Variants in TNNI2 observed in about 807,000 individuals in gnomAD.
TNNI2 encodes the protein troponin I2, fast skeletal type, also known as troponin I, fast skeletal muscle.
TNNI2 carries 14 observed loss-of-function variants against 26.5 expected under a neutral mutation model. The ratio of observed to expected loss-of-function variants is 0.53; its 90% confidence interval spans 0.35 to 0.83. TNNI2 has a LOEUF of 0.83. Among genes scored for constraint, TNNI2 ranks in the 40% least tolerant of loss-of-function variants. The pLI is 0.01. For synonymous variants in TNNI2, 126 were observed against 97.6 expected, an observed-to-expected ratio of 1.29 and a Z score of -1.71; for missense variants, 205 against 248.5, an observed-to-expected ratio of 0.82 and a Z score of 1.18.
chr11:1,839,685 C>G lies in TNNI2; in HGVS notation c.-12C>G. The G allele has an allele frequency of 1.2e-6, 2 of 1,613,818 alleles. No homozygotes were observed. The highest frequency in any genetic ancestry group is 2.2e-5 in the East Asian group (1 of 44,884). Reference sequence around the variant, plus strand: ...TTCCTCTCCCCACAGGCTCCAAGCTCAGGACCTCAGGATGGGAGAGTAAGT... The same window carrying G: ...TTCCTCTCCCCACAGGCTCCAAGCTGAGGACCTCAGGATGGGAGAGTAAGT... On this transcript the variant is annotated 5_prime_UTR_variant, in exon 2 of 8. Coordinates refer to ENST00000381911, the MANE Select transcript of TNNI2 (RefSeq NM_003282.4).
At chr11:1,840,733 A>T (rs1244092955) in intron 5 of TNNI2, 77 bp downstream of exon 5, 1 of 1,607,932 alleles carries the variant, frequency 6.2e-7, no homozygotes, top group African/African-American at 1.3e-5. Flanking sequence ...ACTTGTCAAG[A>T]GGGCCAGTGG....
rs905245877 is a variant in TNNI2, at chr11:1,840,822, C to T, written c.190C>T (p.Leu64Phe). 22 of 1,612,150 alleles carry T rather than the reference C, an allele frequency of 1.4e-5. No homozygotes were observed. Among genetic ancestry groups the T allele is most frequent in the Non-Finnish European group, 1.9e-5 (22 of 1,179,488 alleles). Reference protein sequence around the residue: ...IPGSMSEVQELCKQLHAKIDA... With the variant: ...IPGSMSEVQEFCKQLHAKIDA... The stretch of plus-strand genomic sequence containing the variant: ...CCGCCCCCACACCCACCCCTAGGAG[C>T]TCTGCAAACAGCTGCACGCCAAGAT... The change falls in exon 6 of 8, where the codon CTC becomes TTC. Residue 64 changes from leucine to phenylalanine, a missense_variant. Leu to Phe is a conservative substitution (Grantham distance 22). Coordinates refer to ENST00000381911, the MANE Select transcript of TNNI2 (RefSeq NM_003282.4).
Position 1,840,423 on chromosome 11 carries a change from G to T in TNNI2, c.36G>T (p.Thr12=). 6.2e-7 allele frequency: 1 copy of T among 1,610,532 alleles called. No individual in the cohort carries two copies. Among genetic ancestry groups the T allele is most frequent in the Non-Finnish European group, 8.5e-7 (1 of 1,179,498 alleles). ...TGCAGAAGCGGAACAGGGCCATCACGGCCCGCAGGCAGCACCTGAAGGTAG... is the reference window on the plus strand; with the variant it reads ...TGCAGAAGCGGAACAGGGCCATCACTGCCCGCAGGCAGCACCTGAAGGTAG... ...GDEEKRNRAI[T]ARRQHLKSVM... is the part of the protein sequence containing the mutation. Residue 12 remains threonine (T), a synonymous_variant, in exon 4 of 8, where the codon ACG becomes ACT. Transcript: ENST00000381911.
intron 3 of TNNI2, 115 bp from the exon 4 acceptor site, chr11:1,840,288 C>G: frequency 1.9e-6 from 3 of 1,547,294 alleles, no homozygotes; most frequent in Non-Finnish European, 2.6e-6. Context: ...CAGGAGCCCC[C>G]AGGCTCTGCT....
Position 1,840,408 on chromosome 11 carries a change from G to A in TNNI2, c.21G>A (p.Arg7=). The A allele has an allele frequency of 6.2e-7, 1 of 1,610,156 alleles. No individual in the cohort carries two copies. Among genetic ancestry groups the A allele is most frequent in the Non-Finnish European group, 8.5e-7 (1 of 1,179,306 alleles). MGDEEK[R]NRAITARRQH... ...CCCTGTCCCCTGCCCTGCAGAAGCGGAACAGGGCCATCACGGCCCGCAGGC... is the reference window on the plus strand; with the variant it reads ...CCCTGTCCCCTGCCCTGCAGAAGCGAAACAGGGCCATCACGGCCCGCAGGC... Residue 7 remains arginine, a synonymous_variant, in exon 4 of 8, where the codon CGG becomes CGA. Coordinates refer to ENST00000381911, the MANE Select transcript of TNNI2 (RefSeq NM_003282.4).
intron 1 of TNNI2, chr11:1,839,471 C>A: frequency 1.9e-6 from 1 of 537,104 alleles, no homozygotes; most frequent in Non-Finnish European, 3.4e-6. Flanking sequence ...ATTTTGGGAA[C>A]ACTTTCTCCT....
At chr11:1,840,252 G>A in intron 3 of TNNI2, 151 bp from the exon 4 acceptor site, 1 of 1,550,336 alleles carries the variant, frequency 6.5e-7, no homozygotes, top group Non-Finnish European at 8.7e-7. Flanking sequence ...TGGGGCCAGG[G>A]AGGCCCAGCC....
intron 5 of TNNI2, 34 bp downstream of exon 5, chr11:1,840,690 AGCAGCAGGCC>A: frequency 1.9e-6 from 3 of 1,612,334 alleles, no homozygotes; most frequent in Non-Finnish European, 2.5e-6. Context: ...CCGCCTCCCC[AGCAGCAGGCC>A]TGCCTGCTAA....
chr11:1,840,184 C>G, intron 3 of TNNI2: 2 of 1,551,104 alleles, frequency 1.3e-6, no homozygotes, highest in South Asian at 2.4e-5. Flanking sequence ...CTCCCAGCAC[C>G]ATGTGCCACC....
Position 1,841,651 on chromosome 11 carries a change from C to A in TNNI2, c.*100C>A. ...TGCCAGGGAGGGCTGGCCTCACCAC[C>A]ACCGTCAATAAAGGATTTGAATCCC... On this transcript the variant is annotated 3_prime_UTR_variant, in exon 8 of 8. Coordinates refer to ENST00000381911, the MANE Select transcript of TNNI2 (RefSeq NM_003282.4). 2 of 1,063,080 alleles carry A rather than the reference C, an allele frequency of 1.9e-6. No individual in the cohort carries two copies. Among genetic ancestry groups the A allele is most frequent in the Non-Finnish European group, 2.9e-6 (2 of 699,772 alleles). The allele number at this position is 1,063,080 out of a possible 1,614,324, so 65.9% of individuals were successfully genotyped here.
chr11:1,841,424 G>C, intron 7 of TNNI2, 32 bp from the exon 8 acceptor site: 1 of 1,610,948 alleles, frequency 6.2e-7, no homozygotes, highest in South Asian at 1.1e-5. Flanking sequence ...AAGTGGGTGA[G>C]CCTGAGCTCT....
chr11:1,839,401 C>T (rs371361185), intron 1 of TNNI2: 54 of 525,198 alleles, frequency 1.0e-4, no homozygotes, highest in South Asian at 3.6e-4. Flanking sequence ...CGGCCACCTG[C>T]GCTGGCCCAT....
intron 3 of TNNI2, 93 bp from the exon 4 acceptor site, chr11:1,840,310 C>G: frequency 1.3e-6 from 2 of 1,547,500 alleles, no homozygotes; most frequent in Admixed American, 2.0e-5. Context: ...GTCCCGGAGC[C>G]GGAGCCCCTG....
In TNNI2 at chr11:1,840,422, C is replaced by T. The variant is rs200012654; in HGVS notation, c.35C>T (p.Thr12Met). The change falls in exon 4 of 8, where the codon ACG (threonine) becomes ATG (methionine). Residue 12 changes from threonine (T) to methionine (M), a missense_variant. Physicochemically the swap from Thr to Met is moderately conservative, Grantham distance 81. Transcript: ENST00000381911. ...CTGCAGAAGCGGAACAGGGCCATCA[C>T]GGCCCGCAGGCAGCACCTGAAGGTA... ...GDEEKRNRAITARRQHLKSVM... is the reference protein window; with the variant it reads ...GDEEKRNRAIMARRQHLKSVM... 27 of 1,610,470 alleles carry T rather than the reference C, an allele frequency of 1.7e-5. No homozygotes were observed. Among genetic ancestry groups the T allele is most frequent in the Middle Eastern group, 1.7e-4 (1 of 6,008 alleles).
At position 1,840,415 on chromosome 11, in the gene TNNI2, G is replaced by A; in HGVS notation, c.28G>A (p.Ala10Thr). ...CCCTGCCCTGCAGAAGCGGAACAGG[G>A]CCATCACGGCCCGCAGGCAGCACCT... MGDEEKRNRAITARRQHLKS... is the reference protein window; with the variant it reads MGDEEKRNRTITARRQHLKS... Residue 10 changes from alanine (A) to threonine (T), a missense_variant, in exon 4 of 8, where the codon GCC (alanine) becomes ACC (threonine). Transcript: ENST00000381911. The A allele has an allele frequency of 1.2e-6, 2 of 1,610,322 alleles. No homozygotes were observed. The highest frequency in any genetic ancestry group is 1.7e-6 in the Non-Finnish European group (2 of 1,179,412).
At chr11:1,840,376 C>T (rs762115554) in intron 3 of TNNI2, 27 bp from the exon 4 acceptor site, 1 of 1,601,548 alleles carries the variant, frequency 6.2e-7, no homozygotes, top group South Asian at 1.1e-5. Context: ...GAGGCCCTGA[C>T]TCGACCCCCT....
intron 7 of TNNI2, 119 bp downstream of exon 7, chr11:1,841,326 C>G: frequency 2.6e-6 from 4 of 1,533,204 alleles, no homozygotes; most frequent in Non-Finnish European, 3.6e-6. Context: ...TACCACTGCC[C>G]CTCCAGGGTG....
At chr11:1,839,898 T>G (rs754931190) in intron 3 of TNNI2, 43 bp downstream of exon 3, 2 of 1,612,388 alleles carry the variant, frequency 1.2e-6, no homozygotes, top group South Asian at 2.2e-5. Flanking sequence ...AGGAGGGGGC[T>G]CCCCCAACTC....
At chr11:1,840,977 G>A in intron 6 of TNNI2, 54 bp from the exon 7 acceptor site, 1 of 1,585,380 alleles carries the variant, frequency 6.3e-7, no homozygotes, top group Admixed American at 1.8e-5. Flanking sequence ...GGGCGGGCCG[G>A]GGAGGCCGAG....
Sources: gnomAD v4.1 joint callset for allele counts on GRCh38, gnomAD v4.1.1 for gene constraint, MANE v1.5 for transcripts, NCBI Gene and HGNC (gene_info 2026-07-23, HGNC 2026-07-21) for gene names.